Variants in KIF26B observed in about 807,000 individuals in gnomAD.
KIF26B encodes the protein kinesin family member 26B, also known as kinesin-like protein KIF26B.
In KIF26B, 63 loss-of-function variants were observed where a neutral mutation model predicts 151.2. That is an observed-to-expected ratio of 0.42 (90% confidence interval 0.34 to 0.51). The LOEUF (loss-of-function observed/expected upper bound fraction) is 0.51. Ranked by LOEUF, KIF26B falls within the 20% of genes least tolerant of loss-of-function variation. The pLI is 0.07. For synonymous variants in KIF26B, 1,357 were observed against 1,262.1 expected (o/e 1.08, Z -1.59); for missense variants, 2,813 against 2,913.6 (o/e 0.97, Z 0.79).
At chr1:245,531,332 G>T (rs965114067) in intron 4 of KIF26B, among the ~76,000 whole-genome samples, 1 of 152,140 alleles carries the variant, frequency 6.6e-6, no homozygotes, top group African/African-American at 2.4e-5. Context: ...TGGATTTAGA[G>T]GATGGAAACA....
intron 9 of KIF26B, among the ~76,000 whole-genome samples, chr1:245,618,416 C>A (rs193272022): frequency 6.7e-6 from 1 of 149,604 alleles, no homozygotes; most frequent in East Asian, 2.0e-4. Flanking sequence ...ATGTCCGCAG[C>A]GTCAGTATCC....
intron 2 of KIF26B, among the ~76,000 whole-genome samples, chr1:245,198,871 G>A (rs1558342259): frequency 6.7e-6 from 1 of 148,768 alleles, no homozygotes; most frequent in East Asian, 2.0e-4. Context: ...TGTAACGGGG[G>A]TTCTAATGTA....
intron 2 of KIF26B, among the ~76,000 whole-genome samples, chr1:245,298,362 G>A (rs1057264343): frequency 3.3e-5 from 5 of 152,146 alleles, no homozygotes; most frequent in Admixed American, 3.3e-4. Flanking sequence ...GTGCTATAGC[G>A]GTAACATGAA....
At chr1:245,492,723 G>A (rs1243133703) in intron 4 of KIF26B, among the ~76,000 whole-genome samples, 1 of 152,188 alleles carries the variant, frequency 6.6e-6, no homozygotes, top group Admixed American at 6.5e-5. Context: ...TGGGGCTATA[G>A]GTTTTCTCCT....
At chr1:245,582,457 G>T (rs1207495987) in intron 5 of KIF26B, among the ~76,000 whole-genome samples, 1 of 151,858 alleles carries the variant, frequency 6.6e-6, no homozygotes, top group Non-Finnish European at 1.5e-5. Flanking sequence ...ATCATAGCCT[G>T]TGCTTTTTTT....
intron 2 of KIF26B, among the ~76,000 whole-genome samples, chr1:245,366,241 A>G (rs1672946274): frequency 6.6e-6 from 1 of 152,208 alleles, no homozygotes; most frequent in Admixed American, 6.5e-5. Flanking sequence ...TGTAAGAATA[A>G]GAATGTTCTT....
At chr1:245,441,928 C>T (rs72761190) in intron 4 of KIF26B, among the ~76,000 whole-genome samples, 18,357 of 152,106 alleles carry the variant, frequency 0.12, 1,135 homozygotes, top group African/African-American at 0.15. Context: ...CACTGGCAGA[C>T]GGAAGCAGGG....
intron 3 of KIF26B, among the ~76,000 whole-genome samples, chr1:245,396,277 C>T (rs998121355): frequency 6.6e-6 from 1 of 152,236 alleles, no homozygotes; most frequent in Middle Eastern, 3.4e-3. Context: ...TGTTAAGGGG[C>T]AGTCATTTAA....
In KIF26B at chr1:245,451,700, A is replaced by G. The variant is rs574959932; in HGVS notation, c.1166+31955A>G. Among the ~76,000 whole-genome samples, 32 of 147,080 alleles carry G rather than the reference A, an allele frequency of 2.2e-4. No individual in the cohort carries two copies. In the South Asian group the frequency reaches 6.8e-3, roughly 31 times the overall value. On this transcript the variant is annotated intron_variant, in intron 4 of 14. Transcript: ENST00000407071. ...ACTGCAACCTCTGCCTCCTGGGTTC[A>G]AAAATTCTCCTGCCTCAGCCTCCCG...
intron 10 of KIF26B, among the ~76,000 whole-genome samples, chr1:245,652,102 CTG>C (rs56893913): frequency 0.031 from 4,183 of 136,372 alleles, 85 homozygotes; most frequent in African/African-American, 0.066. Context: ...ATGTAAGAAT[CTG>C]TGTGTGTGTG....
Position 245,678,889 on chromosome 1 carries a change from A to T in KIF26B, c.2259-5344A>T, listed in dbSNP as rs72764833. On this transcript the variant is annotated intron_variant, in intron 10 of 14. Transcript: ENST00000407071. ...AAAAAGAAAAAAAAAAAAGCAAGACAAAAACTCTCTCCCTTTTCTAGAAAA... is the reference window on the plus strand; with the variant it reads ...AAAAAGAAAAAAAAAAAAGCAAGACTAAAACTCTCTCCCTTTTCTAGAAAA... Among the ~76,000 whole-genome samples the T allele has an allele frequency of 4.8e-3, 728 of 152,078 alleles. 4 individuals are homozygous for T. The highest frequency in any genetic ancestry group is 0.011 in the South Asian group (51 of 4,814).
At chr1:245,501,017 A>G (rs1181976544) in intron 4 of KIF26B, among the ~76,000 whole-genome samples, 2 of 152,158 alleles carry the variant, frequency 1.3e-5, no homozygotes, top group African/African-American at 4.8e-5. Flanking sequence ...ACCACTTACT[A>G]TGCGTATGTG....
At chr1:245,246,982 C>G (rs1050382295) in intron 2 of KIF26B, among the ~76,000 whole-genome samples, 1 of 151,670 alleles carries the variant, frequency 6.6e-6, no homozygotes, top group East Asian at 1.9e-4. Context: ...CACACACACA[C>G]ACAAACTTAA....
intron 2 of KIF26B, among the ~76,000 whole-genome samples, chr1:245,288,406 C>T (rs752423606): frequency 2.0e-5 from 3 of 152,158 alleles, no homozygotes; most frequent in Admixed American, 6.5e-5. Context: ...TCCCATTTAA[C>T]GATCAGTTCT....
intron 9 of KIF26B, among the ~76,000 whole-genome samples, chr1:245,643,887 TAA>T: frequency 6.6e-6 from 1 of 152,242 alleles, no homozygotes; most frequent in East Asian, 1.9e-4. Flanking sequence ...CCTTTATATG[TAA>T]CGTGCTTTTT....
chr1:245,182,148 A>G (rs943562294), intron 2 of KIF26B, among the ~76,000 whole-genome samples: 4 of 152,170 alleles, frequency 2.6e-5, no homozygotes, highest in African/African-American at 9.7e-5. Flanking sequence ...ATTTATTGCC[A>G]GGTCTGCAGC....
chr1:245,380,945 C>T (rs1290419459), intron 3 of KIF26B, among the ~76,000 whole-genome samples: 1 of 136,258 alleles, frequency 7.3e-6, no homozygotes, highest in African/African-American at 3.1e-5. Flanking sequence ...CACTGATGGG[C>T]CAAAAAGATG....
At chr1:245,247,064 G>A (rs1390717749) in intron 2 of KIF26B, among the ~76,000 whole-genome samples, 2 of 152,124 alleles carry the variant, frequency 1.3e-5, no homozygotes, top group African/African-American at 4.8e-5. Flanking sequence ...TAAAGATCTA[G>A]ACAGATTGTT....
At chr1:245,317,663 C>G (rs917502120) in intron 2 of KIF26B, among the ~76,000 whole-genome samples, 1 of 152,170 alleles carries the variant, frequency 6.6e-6, no homozygotes, top group African/African-American at 2.4e-5. Flanking sequence ...AGGGAAGACC[C>G]GCATTCCAGA....
Sources: allele counts gnomAD v4.1 joint callset (sites outside exome capture counted in the v4.1 genomes callset), GRCh38; gene constraint gnomAD v4.1.1; transcripts MANE v1.5; gene names NCBI Gene and HGNC (gene_info 2026-07-23, HGNC 2026-07-21).